The following SHISAL1 variants were observed in gnomAD, a reference collection of about 807,000 sequenced individuals.
SHISAL1 encodes shisa like 1, also known as protein shisa-like-1.
SHISAL1 carries 9 observed loss-of-function variants against 22.6 expected under a neutral mutation model. The ratio of observed to expected loss-of-function variants is 0.40; its 90% CI spans 0.24 to 0.70. The LOEUF (loss-of-function observed/expected upper bound fraction) is 0.70. Ranked by LOEUF, SHISAL1 falls within the 30% of genes least tolerant of loss-of-function variation. SHISAL1 has a pLI of 0.39. For missense variants in SHISAL1, 246 were observed against 270.6 expected (o/e 0.91, Z 0.64); for synonymous variants, 119 against 115.4 (o/e 1.03, Z -0.20).
At chr22:44,283,456 A>G (rs943324611) in intron 4 of SHISAL1, among the ~76,000 whole-genome samples, 1 of 152,160 alleles carries the variant, frequency 6.6e-6, no homozygotes, top group Non-Finnish European at 1.5e-5. Context: ...GGGGAAAAGC[A>G]ATATGGAACA....
chr22:44,305,360 C>T (rs969837385), intron 1 of SHISAL1, among the ~76,000 whole-genome samples: 3 of 152,218 alleles, frequency 2.0e-5, no homozygotes, highest in African/African-American at 4.8e-5. Flanking sequence ...TGCGATTCTT[C>T]CCAGGACCTC....
At chr22:44,321,235 G>A in the SHISAL1 span, among the ~76,000 whole-genome samples, 8 of 152,274 alleles carry the variant, frequency 5.3e-5, no homozygotes, top group African/African-American at 1.4e-4. Flanking sequence ...CACCTGCGAC[G>A]AGAGTCCTCC....
At chr22:44,259,713 A>AG (rs1176415578) in intron 4 of SHISAL1, among the ~76,000 whole-genome samples, 1 of 152,144 alleles carries the variant, frequency 6.6e-6, no homozygotes, top group African/African-American at 2.4e-5. Flanking sequence ...AGAATAGAGG[A>AG]GATGACCCAA....
chr22:44,280,284 A>G (rs563648457), intron 4 of SHISAL1, among the ~76,000 whole-genome samples: 213 of 152,264 alleles, frequency 1.4e-3, no homozygotes, highest in African/African-American at 4.9e-3. Flanking sequence ...GGTGAGGCCC[A>G]GGTGGCAGTC....
the SHISAL1 span, among the ~76,000 whole-genome samples, chr22:44,330,068 T>C: frequency 2.0e-5 from 3 of 152,230 alleles, no homozygotes; most frequent in Non-Finnish European, 4.4e-5. Context: ...AGGACATTAC[T>C]GACAGAAAAC....
chr22:44,282,122 A>G (rs924484598), intron 4 of SHISAL1, among the ~76,000 whole-genome samples: 5 of 152,234 alleles, frequency 3.3e-5, no homozygotes, highest in Admixed American at 1.3e-4. Flanking sequence ...CGGGGCCCTC[A>G]CCCACCAAAC....
At position 44,270,905 on chromosome 22, in the gene SHISAL1, C is replaced by A. The variant is rs1207369350; in HGVS notation, c.599+14523G>T. Among the ~76,000 whole-genome samples the A allele has an allele frequency of 4.6e-5, 7 of 152,202 alleles. No individual in the cohort carries two copies. In the East Asian group the frequency reaches 1.3e-3, roughly 29 times the overall value. ...AGGCTGGCAACAGAACCACGTAGCA[C>A]AGTATCTCCTTCTTCTTGTCTGGCT... On this transcript the variant is annotated intron_variant, in intron 4 of 4. Transcript: ENST00000381176.
intron 4 of SHISAL1, among the ~76,000 whole-genome samples, chr22:44,252,648 T>C (rs797018284): frequency 0.1 from 15,000 of 143,890 alleles, 773 homozygotes; most frequent in East Asian, 0.12. Context: ...AAAAAAAGAC[T>C]GATCACAAAC....
At chr22:44,256,176 C>T (rs2055083087) in intron 4 of SHISAL1, among the ~76,000 whole-genome samples, 1 of 151,962 alleles carries the variant, frequency 6.6e-6, no homozygotes, top group Admixed American at 6.6e-5. Flanking sequence ...CATCGGCTCT[C>T]CTGGGTCTCA....
intron 4 of SHISAL1, among the ~76,000 whole-genome samples, chr22:44,255,213 G>C (rs563937063): frequency 2.0e-5 from 3 of 152,110 alleles, no homozygotes; most frequent in East Asian, 1.9e-4. Flanking sequence ...TGGAGTCGGA[G>C]TTTCACTCTG....
At position 44,245,829 on chromosome 22, in the gene SHISAL1, C is replaced by G. The variant is rs1444387347; in HGVS notation, c.*3856G>C. 3.9e-5 allele frequency: 6 copies of G among 152,254 alleles called. No homozygotes were observed. 9.4% of individuals were successfully genotyped at this position (152,254 alleles called of 1,614,324 possible). Reference sequence around the variant, plus strand: ...TTTTCCCTGACATTCCCAAGTCCTCCTCTTCAGCTCTGGGCCAAAATTTGA... The same window carrying G: ...TTTTCCCTGACATTCCCAAGTCCTCGTCTTCAGCTCTGGGCCAAAATTTGA... On this transcript the variant is annotated 3_prime_UTR_variant, in exon 5 of 5. Transcript: ENST00000381176.
chr22:44,301,223 G>C (rs535186670), intron 1 of SHISAL1, among the ~76,000 whole-genome samples: 1 of 152,330 alleles, frequency 6.6e-6, no homozygotes, highest in South Asian at 2.1e-4. Flanking sequence ...ATCAAAGGAG[G>C]ACGGATGGCT....
intron 4 of SHISAL1, among the ~76,000 whole-genome samples, chr22:44,257,138 T>C (rs1342585367): frequency 1.3e-5 from 2 of 152,244 alleles, no homozygotes; most frequent in Non-Finnish European, 1.5e-5. Flanking sequence ...GGGTCATTTC[T>C]GTGGAAGGCA....
chr22:44,314,843 C>A (rs745531405), upstream of SHISAL1, among the ~76,000 whole-genome samples: 4 of 152,202 alleles, frequency 2.6e-5, no homozygotes, highest in Non-Finnish European at 4.4e-5. Flanking sequence ...GAACACTCTT[C>A]AGCTACCCAA....
intron 4 of SHISAL1, among the ~76,000 whole-genome samples, chr22:44,263,989 A>G (rs979065434): frequency 1.1e-4 from 16 of 152,192 alleles, no homozygotes; most frequent in Non-Finnish European, 7.3e-5. Context: ...CGTGGATGTG[A>G]AGGTTCATAG....
chr22:44,301,270 G>A (rs543260994), intron 1 of SHISAL1, among the ~76,000 whole-genome samples: 2 of 152,328 alleles, frequency 1.3e-5, no homozygotes, highest in South Asian at 4.1e-4. Context: ...GAGGCTGGTG[G>A]CCAGGCACCA....
the SHISAL1 span, among the ~76,000 whole-genome samples, chr22:44,319,663 C>T: frequency 3.3e-5 from 5 of 152,234 alleles, no homozygotes; most frequent in Admixed American, 6.5e-5. Flanking sequence ...GGAACTGCTC[C>T]CTTCGGGGAC....
the SHISAL1 span, among the ~76,000 whole-genome samples, chr22:44,324,611 A>G: frequency 9.2e-5 from 14 of 152,296 alleles, no homozygotes; most frequent in South Asian, 1.0e-3. Flanking sequence ...ACAATAACCC[A>G]TTTTGCAGGT....
the SHISAL1 span, among the ~76,000 whole-genome samples, chr22:44,324,659 A>G: frequency 6.6e-6 from 1 of 152,234 alleles, no homozygotes; most frequent in Non-Finnish European, 1.5e-5. Context: ...TAACTTGCCC[A>G]AGGTCACAAA....
Sources: gnomAD v4.1 joint callset for allele counts (sites outside exome capture counted in the v4.1 genomes callset) on GRCh38, gnomAD v4.1.1 for gene constraint, MANE v1.5 for transcripts, NCBI Gene and HGNC (gene_info 2026-07-23, HGNC 2026-07-21) for gene names.